The following CEMIP2 variants were observed in gnomAD, a reference collection of about 807,000 sequenced individuals.
CEMIP2 encodes cell surface hyaluronidase CEMIP2.
A neutral mutation model predicts 146.9 loss-of-function variants in CEMIP2; 79 were observed. The observed-to-expected ratio is 0.54, with a 90% CI of 0.45 to 0.65. The LOEUF is 0.65. Among genes scored for constraint, CEMIP2 ranks in the 30% least tolerant of loss-of-function variants. The pLI, the probability that CEMIP2 is intolerant of heterozygous loss-of-function variation, is 0.00. For synonymous variants in CEMIP2, 601 were observed against 606.3 expected, an observed-to-expected ratio of 0.99 and a Z score of 0.13; for missense variants, 1,596 against 1,696.2, an observed-to-expected ratio of 0.94 and a Z score of 1.04.
intron 15 of CEMIP2, among the ~76,000 whole-genome samples, chr9:71,714,502 T>C (rs562640864): frequency 1.3e-5 from 2 of 152,280 alleles, no homozygotes; most frequent in East Asian, 1.9e-4. Flanking sequence ...AGGACTCTTT[T>C]CAGTAGGTAA....
intron 1 of CEMIP2, among the ~76,000 whole-genome samples, chr9:71,753,918 A>C (rs914416345): frequency 1.3e-5 from 2 of 152,220 alleles, no homozygotes; most frequent in Non-Finnish European, 2.9e-5. Flanking sequence ...TACAGAAAAA[A>C]GATTTACAGC....
intron 4 of CEMIP2, among the ~76,000 whole-genome samples, chr9:71,741,678 G>A (rs1245795397): frequency 1.1e-4 from 12 of 107,936 alleles, no homozygotes; most frequent in African/African-American, 3.6e-4. Flanking sequence ...CACTCTTGTC[G>A]CCTAGGCTAG....
Position 71,746,355 on chromosome 9 carries a change from G to A in CEMIP2, c.332-14C>T. The A allele has an allele frequency of 6.2e-7, 1 of 1,613,246 alleles. No individual in the cohort carries two copies. The highest frequency in any genetic ancestry group is 2.2e-5 in the East Asian group (1 of 44,832). On this transcript the variant is annotated splice_polypyrimidine_tract_variant and intron_variant, in intron 2 of 23. Coordinates refer to ENST00000377044, the MANE Select transcript of CEMIP2 (RefSeq NM_013390.3). ...CTGGGCAATTTTCTATAAACACATT[G>A]ATATTCCATCCAACCCATTAAAATG... is the stretch of plus-strand genomic sequence containing the variant.
At position 71,725,659 on chromosome 9, in the gene CEMIP2, A is replaced by T; in HGVS notation, c.2100T>A (p.Ser700Arg). Residue 700 changes from serine (S) to arginine (R), a missense_variant, in exon 11 of 24, where the codon AGT (serine) becomes AGA (arginine). Transcript: ENST00000377044. Reference protein sequence around the residue: ...LFHKEPTGESSGLQLLAKPEL... With the variant: ...LFHKEPTGESRGLQLLAKPEL... ...CTGGTTTTGCCAAGAGCTGCAATCCACTGGATTCCCCAGTTGGTTCCTTGT... is the reference window on the plus strand; with the variant it reads ...CTGGTTTTGCCAAGAGCTGCAATCCTCTGGATTCCCCAGTTGGTTCCTTGT... The T allele has an allele frequency of 6.2e-7, 1 of 1,614,076 alleles. No homozygotes were observed.
chr9:71,715,593 A>AAT (rs1032184449), intron 14 of CEMIP2, among the ~76,000 whole-genome samples: 24 of 142,134 alleles, frequency 1.7e-4, no homozygotes, highest in African/African-American at 4.0e-4. Context: ...CTTATAGCCT[A>AAT]ATATATATAT....
chr9:71,744,923 G>A, intron 4 of CEMIP2, 95 bp downstream of exon 4: 1 of 1,349,168 alleles, frequency 7.4e-7, no homozygotes, highest in Non-Finnish European at 1.0e-6. Context: ...TCTGATGCCT[G>A]AGTCATGCTG....
chr9:71,744,620 A>C (rs1824021185), intron 4 of CEMIP2, among the ~76,000 whole-genome samples: 1 of 152,232 alleles, frequency 6.6e-6, no homozygotes, highest in Admixed American at 6.5e-5. Flanking sequence ...AGAACTTAGC[A>C]TGAAATTCTG....
In CEMIP2 at chr9:71,685,395, T is replaced by TAAAAAAAAAAAAA. The variant is rs36080695; in HGVS notation, c.3956-15_3956-3dup. On this transcript the variant is annotated splice_region_variant and splice_polypyrimidine_tract_variant and intron_variant, in intron 23 of 23. Coordinates refer to ENST00000377044, the MANE Select transcript of CEMIP2 (RefSeq NM_013390.3). ...TGAATCCCAAAAATATGGTACTCCC[T>TAAAAAAAAAAAAA]AAAAAAAAAAAAAAAAAAGAAAAAG... is the stretch of plus-strand genomic sequence containing the variant. The TAAAAAAAAAAAAA allele has an allele frequency of 3.3e-5, 39 of 1,178,888 alleles. No homozygotes were observed. The highest frequency in any genetic ancestry group is 2.3e-4 in the South Asian group (8 of 34,754). The allele number at this position is 1,178,888 out of a possible 1,614,324, so 73.0% of individuals were successfully genotyped here.
chr9:71,740,085 T>C lies in CEMIP2; in HGVS notation c.1182A>G (p.Thr394=). 1.2e-6 allele frequency: 2 copies of C among 1,614,082 alleles called. No individual in the cohort carries two copies. The highest frequency in any genetic ancestry group is 8.5e-7 in the Non-Finnish European group (1 of 1,180,016). Residue 394 remains threonine, a synonymous_variant, in exon 5 of 24, where the codon ACA becomes ACG. Coordinates refer to ENST00000377044, the MANE Select transcript of CEMIP2 (RefSeq NM_013390.3). ...TACCTTCAATCCATTCACTATAAGC[T>C]GTCACAGAGAACTTCTGGCCATCCA... ...YTVDGQKFSV[T]AYSEWIEGVS...
chr9:71,736,901 C>T (rs191867185), intron 5 of CEMIP2, among the ~76,000 whole-genome samples: 1 of 152,124 alleles, frequency 6.6e-6, no homozygotes, highest in East Asian at 1.9e-4. Flanking sequence ...CTAGGATGGG[C>T]GTGGTGGCTT....
rs1589136616 is a variant in CEMIP2, at chr9:71,709,137, A to T, written c.2985+122T>A. ...AAGAAAAGAAAGGACAGGACAGGAC[A>T]GGAAGATAGATCATACTTTGGAAAA... On this transcript the variant is annotated intron_variant, in intron 17 of 23. Transcript: ENST00000377044. 1.0e-5 allele frequency: 9 copies of T among 885,774 alleles called. No homozygotes were observed. In the East Asian group the frequency reaches 2.3e-4, roughly 23 times the overall value. 54.9% of individuals were successfully genotyped at this position (885,774 alleles called of 1,614,324 possible).
chr9:71,741,562 T>G (rs1051831859), intron 4 of CEMIP2, among the ~76,000 whole-genome samples: 1 of 152,008 alleles, frequency 6.6e-6, no homozygotes. Context: ...ATTTTAAATT[T>G]TATATACTAT....
At position 71,704,787 on chromosome 9, in the gene CEMIP2, C is replaced by G. The variant is rs780386524; in HGVS notation, c.3002G>C (p.Trp1001Ser). 7 of 1,614,038 alleles carry G rather than the reference C, an allele frequency of 4.3e-6. No individual in the cohort carries two copies. Among genetic ancestry groups the G allele is most frequent in the Non-Finnish European group, 5.9e-6 (7 of 1,179,982 alleles). ...GGTCATAGAAAGATTCTGAGTGCTCCATGTCTGTACATAGACCTTGAAAAA... is the reference window on the plus strand; with the variant it reads ...GGTCATAGAAAGATTCTGAGTGCTCGATGTCTGTACATAGACCTTGAAAAA... ...GTYAQVYVQT[W>S]STQNLSMTIT... The change falls in exon 18 of 24, where the codon TGG becomes TCG. Residue 1001 changes from tryptophan (W) to serine (S), a missense_variant. Trp to Ser is a radical substitution (Grantham distance 177). Coordinates refer to ENST00000377044, the MANE Select transcript of CEMIP2 (RefSeq NM_013390.3).
chr9:71,691,421 A>G (rs1256787821), intron 21 of CEMIP2, among the ~76,000 whole-genome samples: 2 of 115,278 alleles, frequency 1.7e-5, no homozygotes, highest in African/African-American at 3.9e-5. Flanking sequence ...CTGTCTCAGG[A>G]AAAAAAAAAT....
intron 1 of CEMIP2, among the ~76,000 whole-genome samples, chr9:71,764,822 TAAC>T (rs60143433): frequency 0.44 from 66,249 of 151,760 alleles, 16,458 homozygotes; most frequent in Non-Finnish European, 0.57. Context: ...GAATAGACTT[TAAC>T]AATCTAGATG....
chr9:71,734,208 G>GGTT (rs374206725), intron 6 of CEMIP2, among the ~76,000 whole-genome samples: 4 of 144,240 alleles, frequency 2.8e-5, no homozygotes, highest in South Asian at 2.6e-4. Context: ...ATGAGTTTTT[G>GGTT]TTTTTGTTTT....
Position 71,712,210 on chromosome 9 carries a change from G to A in CEMIP2, c.2642C>T (p.Thr881Ile), listed in dbSNP as rs747604237. Residue 881 changes from threonine to isoleucine, a missense_variant, in exon 16 of 24, where the codon ACA (threonine) becomes ATA (isoleucine). Coordinates refer to ENST00000377044, the MANE Select transcript of CEMIP2 (RefSeq NM_013390.3). ...CACATATTTTTTGAAAGTGCTCCTTGTGAGATGAATGGGCCCATCATAAAT... is the reference window on the plus strand; with the variant it reads ...CACATATTTTTTGAAAGTGCTCCTTATGAGATGAATGGGCCCATCATAAAT... ...FQIYDGPIHL[T>I]RSTFKKYVPT... The A allele has an allele frequency of 7.4e-6, 12 of 1,614,158 alleles. No homozygotes were observed. The South Asian group carries it at 8.8e-5, about 12-fold the overall frequency.
At chr9:71,688,973 T>C (rs1023064949) in intron 22 of CEMIP2, among the ~76,000 whole-genome samples, 4 of 152,162 alleles carry the variant, frequency 2.6e-5, no homozygotes, top group African/African-American at 9.7e-5. Flanking sequence ...GAAACAGCAT[T>C]ACCAGTATCT....
intron 18 of CEMIP2, among the ~76,000 whole-genome samples, chr9:71,703,036 T>G (rs1330196345): frequency 6.6e-6 from 1 of 152,352 alleles, no homozygotes; most frequent in Admixed American, 6.5e-5. Flanking sequence ...TTGACTTCTC[T>G]GCAACTCACT....
Sources: gnomAD v4.1 joint callset for allele counts (sites outside exome capture counted in the v4.1 genomes callset) on GRCh38, gnomAD v4.1.1 for gene constraint, MANE v1.5 for transcripts, NCBI Gene and HGNC (gene_info 2026-07-23, HGNC 2026-07-21) for gene names.